The following MTHFD1L variants were observed in gnomAD, a reference collection of about 807,000 sequenced individuals.
MTHFD1L encodes the protein methylenetetrahydrofolate dehydrogenase (NADP+ dependent) 1 like.
In MTHFD1L, 81 loss-of-function variants were observed where a neutral mutation model predicts 119.5. That is an observed-to-expected ratio of 0.68 (90% confidence interval 0.57 to 0.82). The LOEUF is 0.82. Ranked by LOEUF, MTHFD1L falls within the 40% of genes least tolerant of loss-of-function variation. The pLI is 0.00. For synonymous variants in MTHFD1L, 430 were observed against 475.2 expected (o/e 0.90, Z 1.24); for missense variants, 1,125 against 1,253.4 (o/e 0.90, Z 1.55).
At chr6:150,869,457 G>A (rs912992178) in intron 1 of MTHFD1L, among the ~76,000 whole-genome samples, 7 of 152,160 alleles carry the variant, frequency 4.6e-5, no homozygotes, top group Admixed American at 4.6e-4. Flanking sequence ...TTGGTTTGCT[G>A]AGGATGATGG....
At chr6:151,096,653 G>A (rs1289684905) in intron 27 of MTHFD1L, among the ~76,000 whole-genome samples, 11 of 152,192 alleles carry the variant, frequency 7.2e-5, no homozygotes, top group South Asian at 6.2e-4. Flanking sequence ...GCTTGCTGAC[G>A]TTGCTCCTTC....
chr6:150,932,814 GGGA>G (rs1791322887), intron 11 of MTHFD1L, among the ~76,000 whole-genome samples: 2 of 89,400 alleles, frequency 2.2e-5, no homozygotes, highest in South Asian at 3.2e-4. Flanking sequence ...AAGAGAGGGA[GGGA>G]GGAAGGAAGG....
At chr6:150,995,909 C>T (rs1269959208) in intron 20 of MTHFD1L, among the ~76,000 whole-genome samples, 1 of 152,140 alleles carries the variant, frequency 6.6e-6, no homozygotes, top group Non-Finnish European at 1.5e-5. Flanking sequence ...GATCCACCTG[C>T]CTTGGCCTCC....
intron 20 of MTHFD1L, among the ~76,000 whole-genome samples, chr6:150,978,078 T>G (rs1776877240): frequency 6.6e-6 from 1 of 152,076 alleles, no homozygotes; most frequent in African/African-American, 2.4e-5. Flanking sequence ...TTTTTGTATT[T>G]TCAGTAGAGA....
chr6:150,932,827 G>C (rs1562405050), intron 11 of MTHFD1L, among the ~76,000 whole-genome samples: 1 of 143,872 alleles, frequency 7.0e-6, no homozygotes, highest in Non-Finnish European at 1.5e-5. Context: ...AGGAAGGAAG[G>C]AAGGAAGGAA....
intron 24 of MTHFD1L, among the ~76,000 whole-genome samples, chr6:151,024,227 C>T (rs575403960): frequency 7.2e-4 from 110 of 152,170 alleles, no homozygotes; most frequent in African/African-American, 2.0e-3. Flanking sequence ...AGAAGAGGAA[C>T]GAGCAGATGC....
intron 7 of MTHFD1L, among the ~76,000 whole-genome samples, chr6:150,889,181 A>AAAAT (rs1782817232): frequency 6.6e-6 from 1 of 152,116 alleles, no homozygotes; most frequent in Non-Finnish European, 1.5e-5. Flanking sequence ...CGTCTCAAAA[A>AAAAT]AAAAAGCTAA....
At chr6:150,967,118 A>C (rs111398302) in intron 19 of MTHFD1L, among the ~76,000 whole-genome samples, 3,741 of 51,286 alleles carry the variant, frequency 0.073, 161 homozygotes, top group African/African-American at 0.14. Context: ...TCCTGCCCCC[A>C]CCTGCATCCT....
At chr6:151,092,056 G>T (rs1164144915) in intron 26 of MTHFD1L, among the ~76,000 whole-genome samples, 1 of 152,090 alleles carries the variant, frequency 6.6e-6, no homozygotes, top group Non-Finnish European at 1.5e-5. Context: ...AGGAGCTATA[G>T]GTTTTACAAA....
chr6:151,011,591 T>C (rs968294001), intron 21 of MTHFD1L, among the ~76,000 whole-genome samples: 1 of 152,188 alleles, frequency 6.6e-6, no homozygotes, highest in Non-Finnish European at 1.5e-5. Flanking sequence ...CTCTACATGG[T>C]TTACAATCCT....
At position 150,877,495 on chromosome 6, in the gene MTHFD1L, AG is replaced by A. The variant is rs569172726; in HGVS notation, c.313-138del. ...TACTGGCCCCAAGTCCCTTTTTATA[AG>A]CAGCAAGATTGTTTTTCTGCACCTT... is the stretch of plus-strand genomic sequence containing the variant. On this transcript the variant is annotated intron_variant, in intron 2 of 27. Transcript: ENST00000367321. 814 of 915,422 alleles carry A rather than the reference AG, an allele frequency of 8.9e-4. 7 individuals carry two copies. The South Asian group carries it at 0.012, about 13-fold the overall frequency. The allele number at this position is 915,422 out of a possible 1,614,324, so 56.7% of individuals were successfully genotyped here. A position where few individuals can be genotyped will look rare whatever the true frequency, so the allele number is the denominator to read the frequency against.
At chr6:151,026,410 T>C (rs970025864) in intron 24 of MTHFD1L, among the ~76,000 whole-genome samples, 2 of 152,242 alleles carry the variant, frequency 1.3e-5, no homozygotes, top group African/African-American at 4.8e-5. Context: ...CAGTTCAGTT[T>C]CTGGATTGTT....
intron 20 of MTHFD1L, among the ~76,000 whole-genome samples, chr6:150,977,731 A>G (rs1304806148): frequency 6.6e-6 from 1 of 152,172 alleles, no homozygotes; most frequent in Non-Finnish European, 1.5e-5. Flanking sequence ...GTTTTCAGAT[A>G]AAGATCTTGT....
At chr6:151,007,601 C>G (rs964628993) in intron 20 of MTHFD1L, among the ~76,000 whole-genome samples, 2 of 152,208 alleles carry the variant, frequency 1.3e-5, no homozygotes, top group African/African-American at 4.8e-5. Flanking sequence ...CGTCCGTGTG[C>G]TAACCTGCAG....
At chr6:151,080,266 A>T (rs1278253902) in intron 26 of MTHFD1L, among the ~76,000 whole-genome samples, 4 of 152,126 alleles carry the variant, frequency 2.6e-5, no homozygotes, top group Non-Finnish European at 4.4e-5. Context: ...ACCGAAAGAG[A>T]AGTGATTTGT....
chr6:151,076,685 G>A (rs562019029), intron 26 of MTHFD1L, among the ~76,000 whole-genome samples: 1 of 150,102 alleles, frequency 6.7e-6, no homozygotes, highest in Non-Finnish European at 1.5e-5. Context: ...CATACCAAAT[G>A]TTGGCAAGGA....
intron 7 of MTHFD1L, among the ~76,000 whole-genome samples, chr6:150,894,524 GATT>G (rs1195236714): frequency 1.3e-5 from 2 of 152,126 alleles, no homozygotes; most frequent in Admixed American, 6.5e-5. Context: ...GTCCTCAGTA[GATT>G]ATTATCAACT....
intron 9 of MTHFD1L, among the ~76,000 whole-genome samples, chr6:150,921,436 G>A (rs928298606): frequency 6.6e-6 from 1 of 151,952 alleles, no homozygotes; most frequent in East Asian, 1.9e-4. Flanking sequence ...ATTTTTAGTA[G>A]AGACAGGGTT....
chr6:151,003,204 G>A (rs1780860916), intron 20 of MTHFD1L, among the ~76,000 whole-genome samples: 1 of 152,082 alleles, frequency 6.6e-6, no homozygotes, highest in African/African-American at 2.4e-5. Context: ...CAGAATTCAA[G>A]AAAAACAACA....
Sources: allele counts gnomAD v4.1 joint callset (sites outside exome capture counted in the v4.1 genomes callset), GRCh38; gene constraint gnomAD v4.1.1; transcripts MANE v1.5; gene names NCBI Gene and HGNC (gene_info 2026-07-23, HGNC 2026-07-21).